Variants in ARFIP1 observed in about 807,000 individuals in gnomAD.
ARFIP1 encodes the protein ARF interacting protein 1.
ARFIP1 carries 24 observed loss-of-function variants against 42.5 expected under a neutral mutation model. The observed-to-expected ratio is 0.57, with a 90% CI of 0.41 to 0.80. ARFIP1 has a LOEUF of 0.80. ARFIP1 is among the 30% of genes least tolerant of loss of function. The pLI is 0.00. For missense variants in ARFIP1, 354 were observed against 434.0 expected, an observed-to-expected ratio of 0.82 and a Z score of 1.64; for synonymous variants, 141 against 153.7, an observed-to-expected ratio of 0.92 and a Z score of 0.61.
At chr4:152,902,749 G>T (rs1488218519) in intron 8 of ARFIP1, among the ~76,000 whole-genome samples, 1 of 152,104 alleles carries the variant, frequency 6.6e-6, no homozygotes, top group African/African-American at 2.4e-5. Flanking sequence ...GAACATTTTG[G>T]CTTTTTGTCC....
rs150725835 is a variant in ARFIP1, at chr4:152,910,151, C to T, written c.1054C>T (p.Leu352Phe). The change falls in exon 9 of 9, where the codon CTT becomes TTT. Residue 352 changes from leucine (L) to phenylalanine (F), a missense_variant. Leu to Phe is a conservative substitution (Grantham distance 22). Transcript: ENST00000353617. ...GAATCAGAAGCAGCTTGAACAGACA[C>T]TTAAACAGTTCCATATCAAATTGAA... ...AGNQKQLEQT[L>F]KQFHIKLKTP... 2 of 1,614,150 alleles carry T rather than the reference C, an allele frequency of 1.2e-6. No individual in the cohort carries two copies. Among genetic ancestry groups the T allele is most frequent in the African/African-American group, 1.3e-5 (1 of 75,050 alleles).
chr4:152,810,679 G>C (rs1344251263), intron 1 of ARFIP1, among the ~76,000 whole-genome samples: 5 of 152,140 alleles, frequency 3.3e-5, no homozygotes, highest in Non-Finnish European at 7.4e-5. Flanking sequence ...AGCTGGGCGT[G>C]GTGGCGGGTG....
intron 1 of ARFIP1, among the ~76,000 whole-genome samples, chr4:152,816,360 C>G (rs1158821268): frequency 6.6e-6 from 1 of 152,216 alleles, no homozygotes; most frequent in African/African-American, 2.4e-5. Flanking sequence ...CTCCCCCTTG[C>G]TGTCTTCCCT....
At chr4:152,846,997 G>C (rs1041304761) in intron 2 of ARFIP1, among the ~76,000 whole-genome samples, 6 of 150,886 alleles carry the variant, frequency 4.0e-5, no homozygotes, top group Admixed American at 4.0e-4. Flanking sequence ...TTCTTAGTCT[G>C]TCCTAAGAGA....
At chr4:152,865,895 C>A (rs545454580) in intron 3 of ARFIP1, among the ~76,000 whole-genome samples, 249 of 152,030 alleles carry the variant, frequency 1.6e-3, no homozygotes, top group African/African-American at 5.7e-3. Flanking sequence ...TTTAATTGAT[C>A]ATTCTTGGGT....
chr4:152,869,208 AAAG>A (rs1006632528), intron 3 of ARFIP1, among the ~76,000 whole-genome samples: 56 of 152,330 alleles, frequency 3.7e-4, no homozygotes, highest in African/African-American at 1.3e-3. Context: ...TACTAATAGT[AAAG>A]AAAGTAGACA....
At chr4:152,853,902 A>ATT (rs1733199852) in intron 2 of ARFIP1, among the ~76,000 whole-genome samples, 1 of 99,382 alleles carries the variant, frequency 1.0e-5, no homozygotes, top group African/African-American at 3.9e-5. Context: ...AAGTTCTGAG[A>ATT]TTCTTTTTTT....
intron 8 of ARFIP1, among the ~76,000 whole-genome samples, chr4:152,899,378 G>A (rs901144212): frequency 7.2e-4 from 109 of 152,236 alleles, no homozygotes; most frequent in African/African-American, 2.6e-3. Context: ...ATGGACTTCT[G>A]TGTGGTTTTG....
At chr4:152,889,578 AATAT>A (rs1164663789) in intron 8 of ARFIP1, among the ~76,000 whole-genome samples, 12 of 103,640 alleles carry the variant, frequency 1.2e-4, no homozygotes, top group Non-Finnish European at 2.2e-4. Flanking sequence ...TGTATATATA[AATAT>A]ATATACACAT....
intron 5 of ARFIP1, among the ~76,000 whole-genome samples, chr4:152,878,877 T>G (rs4254753): frequency 0.27 from 40,646 of 152,106 alleles, 6,637 homozygotes; most frequent in African/African-American, 0.46. Context: ...GCTTTGGCTT[T>G]TGAATAGAGT....
chr4:152,886,779 C>A (rs1005462026), intron 7 of ARFIP1, among the ~76,000 whole-genome samples: 4 of 151,932 alleles, frequency 2.6e-5, no homozygotes, highest in Admixed American at 6.6e-5. Context: ...TACTTTCTAA[C>A]ACAGTGCCTG....
At chr4:152,788,801 C>CTTTTTTTTT (rs138189664) in intron 1 of ARFIP1, among the ~76,000 whole-genome samples, 6 of 113,414 alleles carry the variant, frequency 5.3e-5, no homozygotes, top group Non-Finnish European at 7.1e-5. Context: ...TCCCCAATGT[C>CTTTTTTTTT]TTTTTTTTTT....
At chr4:152,887,930 G>A (rs1376512824) in intron 7 of ARFIP1, among the ~76,000 whole-genome samples, 2 of 151,998 alleles carry the variant, frequency 1.3e-5, no homozygotes, top group Non-Finnish European at 2.9e-5. Context: ...TAGTTAATGA[G>A]ATTAACCAGC....
chr4:152,875,396 A>G (rs1735245591), intron 5 of ARFIP1, among the ~76,000 whole-genome samples: 1 of 150,456 alleles, frequency 6.6e-6, no homozygotes, highest in Non-Finnish European at 1.5e-5. Context: ...AAAAAAAAAA[A>G]AAAAAGAATA....
chr4:152,816,576 T>TAC (rs1196267711), intron 1 of ARFIP1, among the ~76,000 whole-genome samples: 1 of 152,266 alleles, frequency 6.6e-6, no homozygotes, highest in Non-Finnish European at 1.5e-5. Flanking sequence ...TGAACACATA[T>TAC]ACACATACAT....
chr4:152,837,586 T>C (rs148520491), intron 2 of ARFIP1, among the ~76,000 whole-genome samples: 5,736 of 152,266 alleles, frequency 0.038, 164 homozygotes, highest in South Asian at 0.081. Flanking sequence ...CTTTTGAGAA[T>C]TGTCTATTCA....
intron 8 of ARFIP1, among the ~76,000 whole-genome samples, chr4:152,891,554 C>T (rs1736852186): frequency 6.6e-6 from 1 of 152,108 alleles, no homozygotes. Context: ...AGCCTAGGAA[C>T]TGTCATCCCT....
intron 1 of ARFIP1, among the ~76,000 whole-genome samples, chr4:152,783,053 C>T (rs777629307): frequency 3.3e-5 from 5 of 152,172 alleles, no homozygotes; most frequent in Admixed American, 6.5e-5. Flanking sequence ...TGCCTCACAC[C>T]TGTAATCCCA....
chr4:152,789,080 C>CT (rs71598215), intron 1 of ARFIP1, among the ~76,000 whole-genome samples: 964 of 71,852 alleles, frequency 0.013, 239 homozygotes, highest in Non-Finnish European at 0.016. Flanking sequence ...AGAATACAGA[C>CT]TTTTTTTTTT....
Sources: allele counts gnomAD v4.1 joint callset (sites outside exome capture counted in the v4.1 genomes callset), GRCh38; gene constraint gnomAD v4.1.1; transcripts MANE v1.5; gene names NCBI Gene and HGNC (gene_info 2026-07-23, HGNC 2026-07-21).